FHIT: variants seen among roughly 807,000 people sequenced by gnomAD.
FHIT encodes bis(5'-adenosyl)-triphosphatase.
FHIT carries 19 observed loss-of-function variants against 17.9 expected under a neutral mutation model. That is an observed-to-expected ratio of 1.06 (90% confidence interval 0.74 to 1.56). The LOEUF (loss-of-function observed/expected upper bound fraction) is 1.56, where lower values mean the gene tolerates loss of function less well. Among genes scored for constraint, FHIT ranks in the 40% most tolerant of loss-of-function variants. The probability of loss-of-function intolerance (pLI) is 0.00; values close to 1 mark genes in which losing one functional copy is unlikely to be tolerated. For synonymous variants in FHIT, 81 were observed against 69.7 expected (o/e 1.16, Z -0.81); for missense variants, 248 against 189.2 (o/e 1.31, Z -1.82).
At chr3:60,120,992 C>G (rs756750669) in intron 5 of FHIT, among the ~76,000 whole-genome samples, 3 of 152,072 alleles carry the variant, frequency 2.0e-5, no homozygotes, top group African/African-American at 7.2e-5. Context: ...CATAAGAGAG[C>G]CTTAAGAGTT....
chr3:60,317,498 G>T (rs1709216428), intron 5 of FHIT, among the ~76,000 whole-genome samples: 1 of 150,672 alleles, frequency 6.6e-6, no homozygotes, highest in Non-Finnish European at 1.5e-5. Context: ...CTACTAACAT[G>T]CAGTTTGTGT....
At chr3:61,175,049 C>T (rs555713864) in intron 2 of FHIT, among the ~76,000 whole-genome samples, 1 of 152,098 alleles carries the variant, frequency 6.6e-6, no homozygotes, top group Admixed American at 6.5e-5. Flanking sequence ...GTCTGCGAAA[C>T]CCTCACGAAA....
intron 5 of FHIT, among the ~76,000 whole-genome samples, chr3:60,311,680 C>G (rs1319945343): frequency 6.6e-6 from 1 of 152,180 alleles, no homozygotes; most frequent in Non-Finnish European, 1.5e-5. Flanking sequence ...TGTTGTCTAC[C>G]ATTCTGAGCT....
In FHIT at chr3:60,439,745, C is replaced by G. The variant is rs561684829; in HGVS notation, c.103+97115G>C. ...CTCTTTTCTAAACTCCCAGGCTCCT[C>G]AAAGAGCAGAAGTGCAGGCATATAT... On this transcript the variant is annotated intron_variant, in intron 5 of 9. Transcript: ENST00000492590. 1.1e-3 allele frequency among the ~76,000 whole-genome samples: 161 copies of G among 152,196 alleles called. 3 individuals carry two copies. Among genetic ancestry groups the G allele is most frequent in the Middle Eastern group, 0.01 (3 of 294 alleles).
chr3:60,732,684 C>CTTATTTT (rs2042055772), intron 4 of FHIT: 1 of 166,694 alleles, frequency 6.0e-6, no homozygotes, highest in African/African-American at 4.2e-5. Context: ...GCAAAGACTG[C>CTTATTTT]TTTTTTTTTT....
intron 5 of FHIT, among the ~76,000 whole-genome samples, chr3:60,326,074 A>G (rs1709678820): frequency 6.6e-6 from 1 of 152,070 alleles, no homozygotes; most frequent in Non-Finnish European, 1.5e-5. Flanking sequence ...CTAAACCAGC[A>G]GTCAGTCCCC....
At chr3:59,846,329 T>C (rs1441545846) in intron 8 of FHIT, among the ~76,000 whole-genome samples, 2 of 152,138 alleles carry the variant, frequency 1.3e-5, no homozygotes, top group Admixed American at 6.5e-5. Flanking sequence ...ACACTGTAAT[T>C]TGAATTTATG....
intron 8 of FHIT, among the ~76,000 whole-genome samples, chr3:59,905,307 A>G (rs775708755): frequency 1.3e-5 from 2 of 152,240 alleles, no homozygotes; most frequent in Non-Finnish European, 2.9e-5. Context: ...ACGAACTTCA[A>G]GAATAAACTG....
chr3:59,755,094 A>G (rs1445109226), intron 8 of FHIT, among the ~76,000 whole-genome samples: 1 of 151,558 alleles, frequency 6.6e-6, no homozygotes, highest in Non-Finnish European at 1.5e-5. Context: ...GAGCCCACAC[A>G]CATATAGAAA....
chr3:61,179,720 A>C (rs2038276244), intron 2 of FHIT, among the ~76,000 whole-genome samples: 2 of 150,166 alleles, frequency 1.3e-5, no homozygotes, highest in Admixed American at 6.6e-5. Flanking sequence ...AAAAAAAAAA[A>C]AAAAAAAAAA....
chr3:60,641,749 T>C (rs2039730090), intron 4 of FHIT, among the ~76,000 whole-genome samples: 1 of 152,088 alleles, frequency 6.6e-6, no homozygotes, highest in African/African-American at 2.4e-5. Flanking sequence ...GAGAATAAAA[T>C]GGGCAGCCAA....
chr3:60,581,394 G>A (rs988509314), intron 4 of FHIT, among the ~76,000 whole-genome samples: 2 of 152,084 alleles, frequency 1.3e-5, no homozygotes, highest in Non-Finnish European at 2.9e-5. Context: ...TCTTGATACT[G>A]TAACAACATT....
intron 4 of FHIT, among the ~76,000 whole-genome samples, chr3:60,652,701 C>G (rs2040020094): frequency 7.3e-6 from 1 of 137,882 alleles, no homozygotes; most frequent in South Asian, 2.3e-4. Flanking sequence ...GCACTCCAGC[C>G]TGGGCAAAAG....
intron 3 of FHIT, among the ~76,000 whole-genome samples, chr3:61,022,794 C>T (rs1003582334): frequency 5.9e-5 from 9 of 152,140 alleles, no homozygotes; most frequent in South Asian, 2.1e-4. Flanking sequence ...AAATTCAACA[C>T]TCCTTCATGC....
At chr3:59,952,234 T>C (rs1336341341) in intron 7 of FHIT, among the ~76,000 whole-genome samples, 1 of 152,214 alleles carries the variant, frequency 6.6e-6, no homozygotes, top group African/African-American at 2.4e-5. Context: ...TCTGACATTA[T>C]GTAACACCTC....
intron 4 of FHIT, among the ~76,000 whole-genome samples, chr3:60,641,388 T>C (rs1307297191): frequency 1.3e-5 from 2 of 152,166 alleles, no homozygotes; most frequent in African/African-American, 2.4e-5. Context: ...AAGATGTCTA[T>C]TGTGCCTATG....
At chr3:59,900,665 G>C (rs1376952659) in intron 8 of FHIT, among the ~76,000 whole-genome samples, 3 of 152,158 alleles carry the variant, frequency 2.0e-5, no homozygotes, top group Non-Finnish European at 2.9e-5. Context: ...CCAGGCTGGA[G>C]TGCAGTGGTG....
intron 3 of FHIT, among the ~76,000 whole-genome samples, chr3:60,883,253 T>A (rs1480169098): frequency 6.6e-6 from 1 of 152,136 alleles, no homozygotes. Context: ...CCCATATTCA[T>A]GAATTGGAAG....
intron 3 of FHIT, among the ~76,000 whole-genome samples, chr3:60,879,129 C>T (rs1349751565): frequency 1.3e-5 from 2 of 152,194 alleles, no homozygotes; most frequent in African/African-American, 4.8e-5. Context: ...GTTCCTATTT[C>T]TCCACATCCT....
Sources: allele counts gnomAD v4.1 joint callset (sites outside exome capture counted in the v4.1 genomes callset), GRCh38; gene constraint gnomAD v4.1.1; transcripts MANE v1.5; gene names NCBI Gene and HGNC (gene_info 2026-07-23, HGNC 2026-07-21).